TBCD: variants seen among roughly 807,000 people sequenced by gnomAD.
TBCD encodes the protein tubulin folding cofactor D, also known as tubulin-specific chaperone D.
Under a neutral mutation model 169.3 loss-of-function variants are expected in TBCD, and 105 were observed. The observed-to-expected ratio is 0.62, with a 90% CI of 0.53 to 0.73. TBCD has a LOEUF of 0.73. TBCD is among the 30% of genes least tolerant of loss of function. The probability of loss-of-function intolerance (pLI) is 0.00; values close to 1 mark genes in which losing one functional copy is unlikely to be tolerated. For missense variants in TBCD, 1,444 were observed against 1,600.1 expected (o/e 0.90, Z 1.66); for synonymous variants, 700 against 643.9 (o/e 1.09, Z -1.32).
At chr17:82,758,419 AT>A (rs1437339572) in intron 2 of TBCD, among the ~76,000 whole-genome samples, 120 of 135,578 alleles carry the variant, frequency 8.9e-4, no homozygotes, top group African/African-American at 1.6e-3. Flanking sequence ...AAATAAATAA[AT>A]TTTTTTTTTT....
chr17:82,828,612 GCA>G (rs1567846361), intron 13 of TBCD, among the ~76,000 whole-genome samples: 1 of 146,330 alleles, frequency 6.8e-6, no homozygotes, highest in African/African-American at 2.5e-5. Context: ...CCGCAGGTAC[GCA>G]CACATGCACA....
intron 7 of TBCD, among the ~76,000 whole-genome samples, chr17:82,784,299 T>G (rs915468366): frequency 1.3e-5 from 2 of 152,206 alleles, no homozygotes; most frequent in African/African-American, 4.8e-5. Context: ...GAGGACCTCC[T>G]CATGCCAGGC....
chr17:82,811,142 T>C (rs1356654827), intron 12 of TBCD, among the ~76,000 whole-genome samples: 1 of 152,154 alleles, frequency 6.6e-6, no homozygotes, highest in Non-Finnish European at 1.5e-5. Context: ...TCCCTGGAGC[T>C]CCTTTCTGGT....
Position 82,900,716 on chromosome 17 carries a change from T to C in TBCD, c.1715T>C (p.Ile572Thr), listed in dbSNP as rs777977111. 1 of 1,613,972 alleles carries C rather than the reference T, an allele frequency of 6.2e-7. No homozygotes were observed. The highest frequency in any genetic ancestry group is 1.7e-5 in the Admixed American group (1 of 60,020). ...PMIDHLVTMK[I>T]SHWDGVIREL... is the part of the protein sequence containing the mutation. Reference sequence around the variant, plus strand: ...ATAGACCACCTGGTTACCATGAAGATCAGCCACTGGGATGGGTAGGTTTTC... The same window carrying C: ...ATAGACCACCTGGTTACCATGAAGACCAGCCACTGGGATGGGTAGGTTTTC... The change falls in exon 18 of 39, where the codon ATC becomes ACC. Residue 572 changes from isoleucine (I) to threonine (T), a missense_variant. Ile to Thr is a moderately conservative substitution (Grantham distance 89). Transcript: ENST00000355528.
intron 13 of TBCD, among the ~76,000 whole-genome samples, chr17:82,850,251 T>TGTTGGCTGTGCTGCTGTTGGCTGTGCTGC (rs1567888354): frequency 1.4e-4 from 11 of 81,252 alleles, no homozygotes; most frequent in Admixed American, 5.3e-4. Flanking sequence ...GGCTGTGCTG[T>TGTTGGCTGTGCTGCTGTTGGCTGTGCTGC]TGTTGGCTGT....
Position 82,807,679 on chromosome 17 carries a change from G to A in TBCD, c.1148+11G>A. 1 of 1,480,730 alleles carries A rather than the reference G, an allele frequency of 6.8e-7. No homozygotes were observed. The highest frequency in any genetic ancestry group is 9.0e-7 in the Non-Finnish European group (1 of 1,109,414). 91.7% of individuals were successfully genotyped at this position (1,480,730 alleles called of 1,614,324 possible). On this transcript the variant is annotated intron_variant, in intron 11 of 38. Transcript: ENST00000355528. Reference sequence around the variant, plus strand: ...GTCTGCAGCCAAGGGGTAGGTGTCTGTGGCCGCAGAAGCACCCCGGGGGGT... The same window carrying A: ...GTCTGCAGCCAAGGGGTAGGTGTCTATGGCCGCAGAAGCACCCCGGGGGGT...
At chr17:82,940,500 G>A (rs898075225) in intron 37 of TBCD, among the ~76,000 whole-genome samples, 3 of 152,156 alleles carry the variant, frequency 2.0e-5, no homozygotes, top group Non-Finnish European at 2.9e-5. Flanking sequence ...GTGTCTCCTC[G>A]GAACAGTGAC....
In TBCD at chr17:82,923,550, TG is replaced by T; in HGVS notation, c.2179-100del. Reference sequence around the variant, plus strand: ...GACCTCAGGGTGACCACGGTGTCCCTGGTCAGGTGCTTCTCCGACTTCAGAG... The same window carrying T: ...GACCTCAGGGTGACCACGGTGTCCCTGTCAGGTGCTTCTCCGACTTCAGAG... On this transcript the variant is annotated intron_variant, in intron 25 of 38. Transcript: ENST00000355528. This position sits in a 1 kb window ranked among gnomAD's most constrained non-coding sequence, Gnocchi z 4.6. 1 of 946,588 alleles carries T rather than the reference TG, an allele frequency of 1.1e-6. No homozygotes were observed. The highest frequency in any genetic ancestry group is 1.6e-6 in the Non-Finnish European group (1 of 617,554). The allele number at this position is 946,588 out of a possible 1,614,324, so 58.6% of individuals were successfully genotyped here.
At chr17:82,855,870 A>G (rs2056229682) in intron 13 of TBCD, among the ~76,000 whole-genome samples, 2 of 151,950 alleles carry the variant, frequency 1.3e-5, no homozygotes, top group South Asian at 2.1e-4. Context: ...AGAATTTTAT[A>G]CACATGGAGT....
chr17:82,917,237 C>G, intron 23 of TBCD, among the ~76,000 whole-genome samples: 1 of 152,046 alleles, frequency 6.6e-6, no homozygotes, highest in Non-Finnish European at 1.5e-5. Flanking sequence ...CCAGGCTGGT[C>G]TCGATCTCTT....
intron 9 of TBCD, among the ~76,000 whole-genome samples, chr17:82,802,278 A>G (rs755297715): frequency 4.6e-5 from 7 of 151,712 alleles, no homozygotes; most frequent in South Asian, 2.1e-4. Flanking sequence ...TTCAAGTGCT[A>G]TAATACGTGT....
chr17:82,931,184 A>G (rs2062169992), intron 33 of TBCD, among the ~76,000 whole-genome samples: 1 of 152,218 alleles, frequency 6.6e-6, no homozygotes, highest in African/African-American at 2.4e-5. Context: ...GGACGAGGAC[A>G]CGGGCCTGGT....
chr17:82,814,386 G>T (rs529767687), intron 12 of TBCD, among the ~76,000 whole-genome samples: 1 of 152,346 alleles, frequency 6.6e-6, no homozygotes, highest in African/African-American at 2.4e-5. Context: ...GGCACAGACG[G>T]GACGGTCTCT....
At chr17:82,904,161 TCCATCTGCCACAC>T (rs2060072923) in intron 19 of TBCD, among the ~76,000 whole-genome samples, 1 of 139,764 alleles carries the variant, frequency 7.2e-6, no homozygotes, top group African/African-American at 2.7e-5. Flanking sequence ...CTAGGTGGCT[TCCATCTGCCACAC>T]GACACTCCCT....
intron 14 of TBCD, among the ~76,000 whole-genome samples, chr17:82,878,660 G>A (rs1037254482): frequency 3.3e-5 from 5 of 152,202 alleles, no homozygotes; most frequent in Admixed American, 6.5e-5. Context: ...CACTTGAGGA[G>A]ACTGTGTTTT....
At chr17:82,815,887 TA>T (rs2051854280) in intron 13 of TBCD, among the ~76,000 whole-genome samples, 1 of 152,238 alleles carries the variant, frequency 6.6e-6, no homozygotes, top group African/African-American at 2.4e-5. Flanking sequence ...CAGACTTCTT[TA>T]ATGTTTAGAC....
At chr17:82,933,642 G>C (rs969995191) in intron 34 of TBCD, among the ~76,000 whole-genome samples, 1 of 151,974 alleles carries the variant, frequency 6.6e-6, no homozygotes, top group Non-Finnish European at 1.5e-5. Flanking sequence ...TTTTGAGATG[G>C]AGTCTTGCTC....
intron 5 of TBCD, 44 bp downstream of exon 5, chr17:82,768,610 T>C: frequency 6.2e-7 from 1 of 1,601,136 alleles, no homozygotes; most frequent in Non-Finnish European, 8.5e-7. Context: ...GTACTCACTT[T>C]CATGTTCATG....
intron 33 of TBCD, 68 bp from the exon 34 acceptor site, chr17:82,932,590 C>T (rs958207518): frequency 1.1e-5 from 15 of 1,325,388 alleles, no homozygotes; most frequent in Admixed American, 7.2e-5. Flanking sequence ...TGCTGACTCT[C>T]AGCCATTCAG....
Sources: gnomAD v4.1 joint callset for allele counts (sites outside exome capture counted in the v4.1 genomes callset) on GRCh38, gnomAD v4.1.1 for gene constraint, Gnocchi (gnomAD v3.1) non-coding constraint, MANE v1.5 for transcripts, NCBI Gene and HGNC (gene_info 2026-07-23, HGNC 2026-07-21) for gene names.